JAK1: variants seen among roughly 807,000 people sequenced by gnomAD.
JAK1 encodes tyrosine-protein kinase JAK1.
JAK1 carries 16 observed loss-of-function variants against 136.6 expected under a neutral mutation model. The observed-to-expected ratio is 0.12, with a 90% CI of 0.08 to 0.18. JAK1 has a LOEUF of 0.18. JAK1 is among the 10% of genes least tolerant of loss of function. The probability of loss-of-function intolerance (pLI) is 1.00; values close to 1 mark genes in which losing one functional copy is unlikely to be tolerated. For missense variants in JAK1, 859 were observed against 1,450.1 expected (o/e 0.59, Z 6.62); for synonymous variants, 492 against 519.5 (o/e 0.95, Z 0.72).
chr1:65,018,656 A>T (rs1221648212), intron 2 of JAK1, among the ~76,000 whole-genome samples: 1 of 152,238 alleles, frequency 6.6e-6, no homozygotes, highest in Admixed American at 6.5e-5. Flanking sequence ...GGGAAAAATC[A>T]ACAAACCTTA....
rs1248248333 is a variant in JAK1, at chr1:64,833,786, G to GTAAT, written c.*772_*775dup. ...ACATTGACGTTTCTTAAAAGCATGT[G>GTAAT]TAATAGCATCCAGGTTCTGGGAATG... On this transcript the variant is annotated 3_prime_UTR_variant, in exon 25 of 25. Transcript: ENST00000342505. 3.9e-5 allele frequency: 9 copies of GTAAT among 233,054 alleles called. No individual in the cohort carries two copies. The highest frequency in any genetic ancestry group is 1.8e-4 in the South Asian group (1 of 5,528). The allele number at this position is 233,054 out of a possible 1,614,324, so 14.4% of individuals were successfully genotyped here. A position where few individuals can be genotyped will look rare whatever the true frequency, so the allele number is the denominator to read the frequency against.
rs76220435 is a variant in JAK1 at position 65,055,741 on chromosome 1, C to T, written c.-180-11159G>A. Among the ~76,000 whole-genome samples, 607 of 152,288 alleles carry T rather than the reference C, an allele frequency of 4.0e-3. 5 individuals are homozygous for T. Among genetic ancestry groups the T allele is most frequent in the African/African-American group, 0.014 (591 of 41,544 alleles). On this transcript the variant is annotated intron_variant, in intron 1 of 25. Transcript: ENST00000671954. ...ATGCCTTGAAGATGCCAAAGACCTC[C>T]AGGTCCAGGCAAGCTTCTGGAGCTC...
chr1:64,941,072 G>A (rs568198474), intron 1 of JAK1, among the ~76,000 whole-genome samples: 6 of 152,306 alleles, frequency 3.9e-5, no homozygotes, highest in Admixed American at 1.3e-4. Context: ...GCTGAGGCAG[G>A]AGAATCACCT....
At chr1:64,865,024 T>C (rs775218560) in intron 7 of JAK1, 52 bp from the exon 8 acceptor site, 2 of 1,462,820 alleles carry the variant, frequency 1.4e-6, no homozygotes, top group Admixed American at 3.6e-5. Context: ...TCATTTTCTA[T>C]TGGTAAAAGG....
rs764468267 is a variant in JAK1 at position 64,855,686 on chromosome 1, C to T, written c.1471G>A (p.Ala491Thr). Residue 491 changes from alanine to threonine, a missense_variant, in exon 11 of 25, where the codon GCC becomes ACC. Physicochemically the swap from Ala to Thr is moderately conservative, Grantham distance 58 (BLOSUM62 0). Coordinates refer to ENST00000342505, the MANE Select transcript of JAK1 (RefSeq NM_002227.4). ...CFEKSEQVQGAQKQFKNFQIE... is the reference protein window; with the variant it reads ...CFEKSEQVQGTQKQFKNFQIE... ...TGAAAGTTCTTGAACTGCTTCTGGG[C>T]ACCCTGCACCTGCTATTCGGGAAAT... 3.1e-6 allele frequency: 5 copies of T among 1,612,572 alleles called. No homozygotes were observed. In the East Asian group the frequency reaches 8.9e-5, roughly 29 times the overall value.
At chr1:64,902,269 G>A (rs1009158962) in intron 1 of JAK1, among the ~76,000 whole-genome samples, 6 of 152,000 alleles carry the variant, frequency 3.9e-5, no homozygotes, top group African/African-American at 2.4e-5. Context: ...TTCTCAGCAC[G>A]ATACATTTCT....
At chr1:64,951,880 G>A (rs188284284) in intron 1 of JAK1, among the ~76,000 whole-genome samples, 25 of 152,050 alleles carry the variant, frequency 1.6e-4, no homozygotes, top group East Asian at 5.8e-4. Context: ...GGATGGTCTC[G>A]AATCCTGACC....
intron 1 of JAK1, among the ~76,000 whole-genome samples, chr1:65,045,999 G>T (rs2100846163): frequency 6.6e-6 from 1 of 152,312 alleles, no homozygotes; most frequent in African/African-American, 2.4e-5. Context: ...TGGTTGTTTA[G>T]AAAGTTAAAT....
At position 64,964,133 on chromosome 1, in the gene JAK1, T is replaced by C. The variant is rs1206447630; in HGVS notation, c.-78+2200A>G. 3.9e-5 allele frequency among the ~76,000 whole-genome samples: 6 copies of C among 152,358 alleles called. No individual in the cohort carries two copies. In the East Asian group the frequency reaches 1.2e-3, roughly 29 times the overall value. ...TGTTCCTTCTTCAGCGAGATTCCAT[T>C]AATAAGCCAATTCCCCATCCACTTA... On this transcript the variant is annotated intron_variant, in intron 1 of 24. Transcript: ENST00000342505.
At chr1:64,838,996 A>T (rs1464458800) in intron 20 of JAK1, among the ~76,000 whole-genome samples, 2 of 141,654 alleles carry the variant, frequency 1.4e-5, no homozygotes, top group Admixed American at 7.1e-5. Flanking sequence ...ATACAAAAAA[A>T]TTAGCCGGGC....
In JAK1 at chr1:65,010,282, A is replaced by G. The variant is rs370911438; in HGVS notation, c.-78+34198T>C. On this transcript the variant is annotated intron_variant, in intron 2 of 25. Transcript: ENST00000671954. ...GCACTGTGGCTTCCTGTTCTCTCTT[A>G]TGCTTGCGCTCTCTCTCGCACGCTC... 1.2e-4 allele frequency among the ~76,000 whole-genome samples: 18 copies of G among 152,196 alleles called. 1 individual carries two copies. Among genetic ancestry groups the G allele is most frequent in the Admixed American group, 3.3e-4 (5 of 15,298 alleles).
chr1:64,984,884 C>T lies in JAK1; in HGVS notation c.-78+59596G>A, dbSNP rs1029743310. Reference sequence around the variant, plus strand: ...TGGAGGTCCAGGTGGAGCAGCCGGCCACTGCCATCACAGCTGGGCCAGGGC... The same window carrying T: ...TGGAGGTCCAGGTGGAGCAGCCGGCTACTGCCATCACAGCTGGGCCAGGGC... On this transcript the variant is annotated intron_variant, in intron 2 of 25. Transcript: ENST00000671954. The surrounding 1 kb of genome is among the most constrained non-coding windows in gnomAD (Gnocchi z 4.1). 2.5e-6 allele frequency: 3 copies of T among 1,191,436 alleles called. No homozygotes were observed. In the African/African-American group the frequency reaches 4.5e-5, roughly 18 times the overall value. 73.8% of individuals were successfully genotyped at this position (1,191,436 alleles called of 1,614,324 possible).
intron 2 of JAK1, among the ~76,000 whole-genome samples, chr1:65,024,660 C>CAAAAAAAAAAAAA (rs11349903): frequency 9.2e-4 from 64 of 69,848 alleles, no homozygotes; most frequent in East Asian, 2.2e-3. Context: ...TGGTCCAAAG[C>CAAAAAAAAAAAAA]AAAAAAAAAA....
chr1:65,012,668 TGTG>T (rs1297433645), intron 2 of JAK1, among the ~76,000 whole-genome samples: 1 of 151,938 alleles, frequency 6.6e-6, no homozygotes, highest in Non-Finnish European at 1.5e-5. Context: ...GGTGTGCACC[TGTG>T]GCCCCAGCTA....
At chr1:65,020,906 C>T (rs558019122) in intron 2 of JAK1, among the ~76,000 whole-genome samples, 10 of 152,208 alleles carry the variant, frequency 6.6e-5, no homozygotes, top group African/African-American at 2.4e-4. Context: ...GGAAAGAAAG[C>T]CTTTATTAGA....
At chr1:65,065,830 A>C (rs970256881) in intron 1 of JAK1, among the ~76,000 whole-genome samples, 1 of 151,706 alleles carries the variant, frequency 6.6e-6, no homozygotes, top group Non-Finnish European at 1.5e-5. Context: ...TTCCATTAGA[A>C]GACCCAGAGG....
chr1:64,851,691 G>A (rs1655608139), intron 11 of JAK1, among the ~76,000 whole-genome samples: 1 of 152,242 alleles, frequency 6.6e-6, no homozygotes, highest in Non-Finnish European at 1.5e-5. Flanking sequence ...CCGCTATGGA[G>A]CTACTGCAAG....
In JAK1 at chr1:64,858,140, T is replaced by A. The variant is rs1570649475; in HGVS notation, c.1335-361A>T. Among the ~76,000 whole-genome samples the A allele has an allele frequency of 2.6e-5, 4 of 152,294 alleles. 1 individual carries two copies. Among genetic ancestry groups the A allele is most frequent in the Admixed American group, 2.6e-4 (4 of 15,304 alleles). ...TCCCCTCCACCCCTAGCCAGCCCAG[T>A]GGAAGCACAAACCTCATGGGGGTGG... On this transcript the variant is annotated intron_variant, in intron 9 of 24. Transcript: ENST00000342505.
intron 4 of JAK1, among the ~76,000 whole-genome samples, chr1:64,877,808 C>T (rs976772249): frequency 6.6e-6 from 1 of 152,118 alleles, no homozygotes; most frequent in Non-Finnish European, 1.5e-5. Flanking sequence ...CCCCAGGCCA[C>T]AAAAAGCAAG....
Sources: gnomAD v4.1 joint callset for allele counts (sites outside exome capture counted in the v4.1 genomes callset) on GRCh38, gnomAD v4.1.1 for gene constraint, Gnocchi (gnomAD v3.1) non-coding constraint, MANE v1.5 for transcripts, NCBI Gene and HGNC (gene_info 2026-07-23, HGNC 2026-07-21) for gene names.